HAUS8: variants seen among roughly 807,000 people sequenced by gnomAD.
HAUS8 encodes the protein HAUS augmin like complex subunit 8, also known as HAUS augmin-like complex subunit 8.
HAUS8 carries 38 observed loss-of-function variants against 42.9 expected under a neutral mutation model. The ratio of observed to expected loss-of-function variants is 0.89; its 90% CI spans 0.68 to 1.16. The LOEUF (loss-of-function observed/expected upper bound fraction) is 1.16, where lower values mean the gene tolerates loss of function less well. Ranked by LOEUF, HAUS8 falls within the 50% of genes most tolerant of loss-of-function variation. The pLI, the probability that HAUS8 is intolerant of heterozygous loss-of-function variation, is 0.00. For missense variants in HAUS8, 494 were observed against 511.6 expected (o/e 0.97, Z 0.33); for synonymous variants, 199 against 205.8 (o/e 0.97, Z 0.28).
chr19:17,069,149 G>C, intron 2 of HAUS8, 63 bp from the exon 3 acceptor site: 1 of 1,469,084 alleles, frequency 6.8e-7, no homozygotes. Flanking sequence ...CACACACCCA[G>C]ACCCCACGCC....
intron 9 of HAUS8, chr19:17,055,147 TATATATATA>T (rs2057316243): frequency 1.6e-4 from 1 of 6,346 alleles, no homozygotes; most frequent in East Asian, 5.9e-3. Context: ...AAAAAAAATA[TATATATATA>T]TATATATATA....
Position 17,049,790 on chromosome 19 carries a change from T to C in HAUS8, c.*83A>G, listed in dbSNP as rs2057274491. ...ATTGCAAAACAGGTTTACTTTTTTA[T>C]CAAACAAGATTATCACATAAAAAAT... On this transcript the variant is annotated 3_prime_UTR_variant, in exon 11 of 11. Transcript: ENST00000253669. The C allele has an allele frequency of 6.8e-6, 8 of 1,172,112 alleles. No homozygotes were observed. The highest frequency in any genetic ancestry group is 7.9e-6 in the Non-Finnish European group (7 of 890,982). The allele number at this position is 1,172,112 out of a possible 1,614,324, so 72.6% of individuals were successfully genotyped here.
In HAUS8 at chr19:17,050,028, C is replaced by A; in HGVS notation, c.1078G>T (p.Ala360Ser). The change falls in exon 11 of 11, where the codon GCA becomes TCA. Residue 360 changes from alanine (A) to serine (S), a missense_variant. Physicochemically the swap from Ala to Ser is moderately conservative, Grantham distance 99 (BLOSUM62 1). Coordinates refer to ENST00000253669, the MANE Select transcript of HAUS8 (RefSeq NM_033417.2). Reference protein sequence around the residue: ...QDSACRESGGAPKNTPLSEDD... With the variant: ...QDSACRESGGSPKNTPLSEDD... The stretch of plus-strand genomic sequence containing the variant: ...TCAGACAGGGGCGTGTTCTTGGGTG[C>A]TCCCCCAGATTCTCTGCAGGCACTG... 1 of 1,608,832 alleles carries A rather than the reference C, an allele frequency of 6.2e-7. No homozygotes were observed. The highest frequency in any genetic ancestry group is 8.5e-7 in the Non-Finnish European group (1 of 1,178,090).
At position 17,073,273 on chromosome 19, in the gene HAUS8, C is replaced by T; in HGVS notation, c.91+1G>A. 1 of 1,612,896 alleles carries T rather than the reference C, an allele frequency of 6.2e-7. No individual in the cohort carries two copies. ...CTTAAAGAGATCCTGACACTGCTTACCTTGAACTCTTTTATCCTTCTTCTT... is the reference window on the plus strand; with the variant it reads ...CTTAAAGAGATCCTGACACTGCTTATCTTGAACTCTTTTATCCTTCTTCTT... On this transcript the variant is annotated splice_donor_variant, in intron 2 of 10. Transcript: ENST00000253669. LOFTEE classifies it high-confidence loss of function.
chr19:17,067,662 T>C (rs1157178377), intron 3 of HAUS8, among the ~76,000 whole-genome samples: 1 of 152,142 alleles, frequency 6.6e-6, no homozygotes, highest in Non-Finnish European at 1.5e-5. Flanking sequence ...ATTTGGAGCG[T>C]GGAAGACTGT....
intron 4 of HAUS8, among the ~76,000 whole-genome samples, chr19:17,062,430 A>G (rs78152200): frequency 0.026 from 4,025 of 152,274 alleles, 106 homozygotes; most frequent in African/African-American, 0.063. Context: ...AAACAGTCAC[A>G]TAGACAAGAA....
rs2057278568 is a variant in HAUS8 at position 17,050,196 on chromosome 19, G to C, written c.930-20C>G. On this transcript the variant is annotated intron_variant, in intron 10 of 10. Transcript: ENST00000253669. ...AAGCTCCTGTTGAGGATGGGAGAAA[G>C]AATAACGGCTTTCACCCTCTGAGGT... 1 of 1,467,622 alleles carries C rather than the reference G, an allele frequency of 6.8e-7. No individual in the cohort carries two copies. Among genetic ancestry groups the C allele is most frequent in the Non-Finnish European group, 9.0e-7 (1 of 1,108,450 alleles). The allele number at this position is 1,467,622 out of a possible 1,614,324, so 90.9% of individuals were successfully genotyped here.
intron 3 of HAUS8, among the ~76,000 whole-genome samples, chr19:17,066,927 G>A (rs1043333884): frequency 6.6e-5 from 10 of 152,290 alleles, no homozygotes; most frequent in Admixed American, 2.0e-4. Flanking sequence ...GAACCAGGCC[G>A]GGCATGGCGG....
chr19:17,065,114 T>C (rs2057380234), intron 3 of HAUS8, among the ~76,000 whole-genome samples: 1 of 152,222 alleles, frequency 6.6e-6, no homozygotes, highest in Admixed American at 6.5e-5. Flanking sequence ...TCGGCTATTA[T>C]GAAAACACAA....
chr19:17,051,072 A>C (rs2057284576), intron 10 of HAUS8, among the ~76,000 whole-genome samples: 1 of 152,066 alleles, frequency 6.6e-6, no homozygotes, highest in Non-Finnish European at 1.5e-5. Context: ...TAATAATAAT[A>C]ATCCCCAATG....
chr19:17,058,482 A>C (rs2057339003), intron 8 of HAUS8, 67 bp downstream of exon 8: 4 of 1,461,728 alleles, frequency 2.7e-6, no homozygotes, highest in East Asian at 2.3e-5. Flanking sequence ...AATGCTACCG[A>C]AACAGTGGAG....
intron 9 of HAUS8, 166 bp downstream of exon 9, chr19:17,055,695 T>G (rs2057321297): frequency 1.5e-6 from 1 of 670,954 alleles, no homozygotes; most frequent in Non-Finnish European, 2.5e-6. Flanking sequence ...GGTTACTTAC[T>G]CAGGGCGAGA....
At chr19:17,052,686 TG>T in intron 10 of HAUS8, 138 bp downstream of exon 10, 1 of 823,730 alleles carries the variant, frequency 1.2e-6, no homozygotes, top group Non-Finnish European at 2.0e-6. Flanking sequence ...ATGCAGCGTC[TG>T]GGAAAAGAGC....
intron 3 of HAUS8, among the ~76,000 whole-genome samples, chr19:17,068,097 TTC>T (rs1491358150): frequency 6.1e-5 from 9 of 147,862 alleles, no homozygotes; most frequent in Non-Finnish European, 1.3e-4. Context: ...TTTTATTTTA[TTC>T]TTTTTTTTTT....
At chr19:17,059,840 T>A (rs777963254) in intron 5 of HAUS8, among the ~76,000 whole-genome samples, 157 bp downstream of exon 5, 1 of 152,178 alleles carries the variant, frequency 6.6e-6, no homozygotes, top group African/African-American at 2.4e-5. Context: ...TAATACCCTT[T>A]ACCAAGGTAT....
intron 3 of HAUS8, among the ~76,000 whole-genome samples, chr19:17,065,810 C>A (rs1293336693): frequency 7.3e-6 from 1 of 137,558 alleles, no homozygotes; most frequent in Non-Finnish European, 1.5e-5. Context: ...GGCGACAGAG[C>A]GAGGCTCTAT....
rs757762377 is a variant in HAUS8, at chr19:17,069,065, C to T, written c.113G>A (p.Arg38Gln). ...RVQGGRVIES[R>Q]YLQYEKKTTQ... is the part of the protein sequence containing the mutation. The stretch of plus-strand genomic sequence containing the variant: ...TGTCTTCTTTTCATACTGCAGATAC[C>T]GGGACTCAATCACTCTTCCACCTGT... The change falls in exon 3 of 11, where the codon CGG becomes CAG. Residue 38 changes from arginine (R) to glutamine (Q), a missense_variant. Arg to Gln is a conservative substitution (Grantham distance 43). Coordinates refer to ENST00000253669, the MANE Select transcript of HAUS8 (RefSeq NM_033417.2). The T allele has an allele frequency of 5.6e-6, 9 of 1,613,288 alleles. No homozygotes were observed. Among genetic ancestry groups the T allele is most frequent in the Admixed American group, 1.7e-5 (1 of 59,898 alleles).
intron 3 of HAUS8, among the ~76,000 whole-genome samples, chr19:17,068,780 G>A (rs1218363232): frequency 6.6e-6 from 1 of 152,040 alleles, no homozygotes; most frequent in Non-Finnish European, 1.5e-5. Flanking sequence ...AAAAAAAAAG[G>A]GTAAGAACGA....
chr19:17,057,383 G>GT, intron 8 of HAUS8, among the ~76,000 whole-genome samples: 1 of 151,834 alleles, frequency 6.6e-6, no homozygotes, highest in South Asian at 2.1e-4. Flanking sequence ...TAGAGATTGG[G>GT]TGTCACTATG....
Sources: allele counts gnomAD v4.1 joint callset (sites outside exome capture counted in the v4.1 genomes callset), GRCh38; gene constraint gnomAD v4.1.1; transcripts MANE v1.5; gene names NCBI Gene and HGNC (gene_info 2026-07-23, HGNC 2026-07-21).